Variants in CHPT1 observed in about 807,000 individuals in gnomAD.
CHPT1 encodes the protein cholinephosphotransferase 1.
Under a neutral mutation model 47.6 loss-of-function variants are expected in CHPT1, and 36 were observed. The ratio of observed to expected loss-of-function variants is 0.76; its 90% CI spans 0.58 to 1.00. CHPT1 has a LOEUF of 1.00. CHPT1 is among the 50% of genes least tolerant of loss of function. The pLI is 0.00. For missense variants in CHPT1, 458 were observed against 498.1 expected (o/e 0.92, Z 0.77); for synonymous variants, 194 against 186.3 (o/e 1.04, Z -0.33).
chr12:101,724,218 C>CA (rs36006364), intron 7 of CHPT1, among the ~76,000 whole-genome samples: 14,034 of 76,936 alleles, frequency 0.18, 757 homozygotes, highest in Admixed American at 0.28. Flanking sequence ...GACTGTGTCT[C>CA]AAAAAAAAAA....
At chr12:101,715,686 G>A (rs1272615931) in intron 3 of CHPT1, among the ~76,000 whole-genome samples, 1 of 152,138 alleles carries the variant, frequency 6.6e-6, no homozygotes, top group Non-Finnish European at 1.5e-5. Context: ...GGATTTAGAA[G>A]TCATTAGCAT....
chr12:101,710,710 A>ACTG (rs1325416295), intron 1 of CHPT1, among the ~76,000 whole-genome samples: 2 of 148,880 alleles, frequency 1.3e-5, no homozygotes, highest in African/African-American at 4.9e-5. Flanking sequence ...TTCTGTTAAT[A>ACTG]CCTGACCATG....
At chr12:101,709,763 T>C (rs1236411657) in intron 1 of CHPT1, among the ~76,000 whole-genome samples, 1 of 148,288 alleles carries the variant, frequency 6.7e-6, no homozygotes, top group East Asian at 2.0e-4. Context: ...TACTTGAAAG[T>C]GTATTGTGTG....
intron 4 of CHPT1, chr12:101,717,460 AAGGATATC>A: frequency 3.0e-6 from 1 of 331,142 alleles, no homozygotes; most frequent in Non-Finnish European, 6.0e-6. Flanking sequence ...TAATAATAAT[AAGGATATC>A]AATAGTCAAC....
chr12:101,698,308 C>T (rs1951496497), intron 1 of CHPT1, among the ~76,000 whole-genome samples, 174 bp downstream of exon 1: 1 of 152,220 alleles, frequency 6.6e-6, no homozygotes, highest in Admixed American at 6.5e-5. Flanking sequence ...ACTGTCACGC[C>T]ACTATCCCAA....
Position 101,728,884 on chromosome 12 carries a change from T to A in CHPT1, c.1177-17T>A. On this transcript the variant is annotated splice_polypyrimidine_tract_variant and intron_variant, in intron 8 of 8. Transcript: ENST00000229266. ...TATGCTTCTTAGCTAACGTTATAAT[T>A]GTATCATATTACTTAGGTTCAAGTT... The A allele has an allele frequency of 3.1e-6, 5 of 1,612,460 alleles. No individual in the cohort carries two copies. The highest frequency in any genetic ancestry group is 4.2e-6 in the Non-Finnish European group (5 of 1,178,954).
At chr12:101,719,171 A>AG (rs1166749059) in intron 4 of CHPT1, among the ~76,000 whole-genome samples, 1 of 151,470 alleles carries the variant, frequency 6.6e-6, no homozygotes, top group Non-Finnish European at 1.5e-5. Context: ...AAAAAAAAAA[A>AG]AAAAAAGAAG....
At chr12:101,726,464 A>C (rs962606631) in intron 8 of CHPT1, 60 bp downstream of exon 8, 1 of 1,587,598 alleles carries the variant, frequency 6.3e-7, no homozygotes. Context: ...AGTTAGGGGA[A>C]TCTATGAGTG....
chr12:101,724,106 C>T (rs1396330220), intron 7 of CHPT1, among the ~76,000 whole-genome samples: 1 of 151,796 alleles, frequency 6.6e-6, no homozygotes, highest in Non-Finnish European at 1.5e-5. Flanking sequence ...GTAATCCCAG[C>T]TACTCAGGAG....
rs547842080 is a variant in CHPT1 at position 101,697,712 on chromosome 12, C to T, written c.-150C>T. The T allele has an allele frequency of 5.8e-4, 110 of 188,998 alleles. 1 individual carries two copies. The East Asian group carries it at 0.017, about 29-fold the overall frequency. 11.7% of individuals were successfully genotyped at this position (188,998 alleles called of 1,614,324 possible). A position where few individuals can be genotyped will look rare whatever the true frequency, so the allele number is the denominator to read the frequency against. ...GGCCCCGGCAGCCGGGCAGGCCGGC[C>T]TGACCTCGACCTCCGCCGTGCGGGC... On this transcript the variant is annotated 5_prime_UTR_variant, in exon 1 of 9. Transcript: ENST00000229266.
At chr12:101,711,774 T>C (rs532382426) in intron 1 of CHPT1, among the ~76,000 whole-genome samples, 1 of 149,020 alleles carries the variant, frequency 6.7e-6, no homozygotes, top group African/African-American at 2.4e-5. Context: ...CATAACATCA[T>C]GTTGTATACA....
rs371665943 is a variant in CHPT1, at chr12:101,726,447, G to T, written c.1176+43G>T. On this transcript the variant is annotated intron_variant, in intron 8 of 8. Transcript: ENST00000229266. ...CTGACTAATAGCCCAAGGAAAAGAGGAGATGAAGTTAGGGGAATCTATGAG... is the reference window on the plus strand; with the variant it reads ...CTGACTAATAGCCCAAGGAAAAGAGTAGATGAAGTTAGGGGAATCTATGAG... 5.0e-6 allele frequency: 8 copies of T among 1,605,436 alleles called. No individual in the cohort carries two copies. In the African/African-American group the frequency reaches 1.1e-4, roughly 21 times the overall value.
At chr12:101,710,295 A>C (rs1383733882) in intron 1 of CHPT1, among the ~76,000 whole-genome samples, 4 of 149,190 alleles carry the variant, frequency 2.7e-5, no homozygotes, top group African/African-American at 9.7e-5. Flanking sequence ...GCAGTGAGCC[A>C]AGATCCTTTA....
intron 7 of CHPT1, among the ~76,000 whole-genome samples, chr12:101,725,082 C>T (rs1031190998): frequency 2.6e-5 from 4 of 151,910 alleles, no homozygotes; most frequent in Admixed American, 6.6e-5. Flanking sequence ...ATAATCTCAC[C>T]GTATTTGTTA....
chr12:101,698,579 T>A (rs1951500821), intron 1 of CHPT1, among the ~76,000 whole-genome samples: 1 of 152,240 alleles, frequency 6.6e-6, no homozygotes, highest in Non-Finnish European at 1.5e-5. Flanking sequence ...AATACTTTCG[T>A]AACCGTTCGT....
intron 1 of CHPT1, among the ~76,000 whole-genome samples, chr12:101,702,075 A>G (rs1213824360): frequency 1.3e-5 from 2 of 152,194 alleles, no homozygotes; most frequent in Admixed American, 1.3e-4. Flanking sequence ...TTAAAATAGA[A>G]TCACAGATTC....
intron 7 of CHPT1, among the ~76,000 whole-genome samples, 198 bp from the exon 8 acceptor site, chr12:101,726,096 A>G (rs1419071648): frequency 1.3e-5 from 2 of 152,066 alleles, no homozygotes; most frequent in African/African-American, 4.8e-5. Context: ...CTCAGTGTCT[A>G]TAACTGTGAA....
chr12:101,714,212 C>G lies in CHPT1; in HGVS notation c.396C>G (p.Asp132Glu), dbSNP rs138138543. Residue 132 changes from aspartate (D) to glutamate (E), a missense_variant, in exon 2 of 9, where the codon GAC becomes GAG. Transcript: ENST00000229266. ...NSCSPLGELF[D>E]HGCDSLSTVF... ...GTTCCCCTTTAGGGGAGCTCTTTGA[C>G]CATGGCTGTGACTCTCTTTCCACAG... 1.5e-4 allele frequency: 235 copies of G among 1,604,600 alleles called. 1 individual carries two copies. Among genetic ancestry groups the G allele is most frequent in the Non-Finnish European group, 2.7e-5 (32 of 1,176,882 alleles).
At chr12:101,713,633 G>GT (rs1444318920) in intron 1 of CHPT1, among the ~76,000 whole-genome samples, 4 of 151,754 alleles carry the variant, frequency 2.6e-5, no homozygotes, top group African/African-American at 9.7e-5. Context: ...TTTGTTTTTT[G>GT]TTTTTTTAAA....
Sources: allele counts gnomAD v4.1 joint callset (sites outside exome capture counted in the v4.1 genomes callset), GRCh38; gene constraint gnomAD v4.1.1; transcripts MANE v1.5; gene names NCBI Gene and HGNC (gene_info 2026-07-23, HGNC 2026-07-21).